The following CACNA1S variants were observed in gnomAD, a reference collection of about 807,000 sequenced individuals.
CACNA1S encodes the protein voltage-dependent L-type calcium channel subunit alpha-1S.
CACNA1S carries 126 observed loss-of-function variants against 207.4 expected under a neutral mutation model. That is an observed-to-expected ratio of 0.61 (90% CI 0.53 to 0.70). The LOEUF is 0.70. CACNA1S is among the 30% of genes least tolerant of loss of function. The pLI is 0.00. For missense variants in CACNA1S, 2,349 were observed against 2,422.8 expected (o/e 0.97, Z 0.64); for synonymous variants, 960 against 932.7 (o/e 1.03, Z -0.53).
At chr1:201,065,742 G>T (rs1661212690) in intron 22 of CACNA1S, 96 bp downstream of exon 22, 1 of 807,106 alleles carries the variant, frequency 1.2e-6, no homozygotes, top group Middle Eastern at 2.8e-4. Flanking sequence ...TGCATTCGAA[G>T]ACATCTGTTT....
chr1:201,054,052 A>G (rs1660747047), intron 29 of CACNA1S, among the ~76,000 whole-genome samples: 1 of 152,094 alleles, frequency 6.6e-6, no homozygotes, highest in South Asian at 2.1e-4. Context: ...GCTACTCCCC[A>G]TCACTCCCAC....
chr1:201,089,772 C>T (rs538424459), intron 5 of CACNA1S, among the ~76,000 whole-genome samples: 1 of 152,294 alleles, frequency 6.6e-6, no homozygotes, highest in Admixed American at 6.5e-5. Context: ...TCATTTGTCC[C>T]CACAGAACTT....
chr1:201,083,251 TAGA>T lies in CACNA1S; in HGVS notation c.1301_1303del (p.Phe434del), dbSNP rs1360854690. 1 of 1,614,034 alleles carries T rather than the reference TAGA, an allele frequency of 6.2e-7. No homozygotes were observed. The highest frequency in any genetic ancestry group is 8.5e-7 in the Non-Finnish European group (1 of 1,180,026). ...GGCAACGATGAGAATCACCAGCCAATAGAAGACCTTGGACTTCACGATGTCATG... is the reference window on the plus strand; with the variant it reads ...GGCAACGATGAGAATCACCAGCCAATAGACCTTGGACTTCACGATGTCATG... On this transcript the variant is annotated inframe_deletion, in exon 10 of 44. Transcript: ENST00000362061.
Position 201,078,845 on chromosome 1 carries a change from G to A in CACNA1S, c.1394-741C>T, listed in dbSNP as rs140848965. Among the ~76,000 whole-genome samples, 623 of 152,120 alleles carry A rather than the reference G, an allele frequency of 4.1e-3. 2 individuals carry two copies. Among genetic ancestry groups the A allele is most frequent in the African/African-American group, 0.014 (601 of 41,496 alleles). On this transcript the variant is annotated intron_variant, in intron 10 of 43. Transcript: ENST00000362061. ...CATTCTTAAAGCCAAAGTCTAGGCCGAGCGCAGTGACTCACACCTGTAATC... is the reference window on the plus strand; with the variant it reads ...CATTCTTAAAGCCAAAGTCTAGGCCAAGCGCAGTGACTCACACCTGTAATC...
chr1:201,084,386 G>A (rs1382930086), intron 9 of CACNA1S, among the ~76,000 whole-genome samples: 1 of 152,110 alleles, frequency 6.6e-6, no homozygotes, highest in African/African-American at 2.4e-5. Context: ...CTCTTTGAAG[G>A]GCACTGGAGA....
chr1:201,063,738 C>T (rs890710149), intron 22 of CACNA1S, among the ~76,000 whole-genome samples: 1 of 152,208 alleles, frequency 6.6e-6, no homozygotes. Flanking sequence ...GCTGCCCCTG[C>T]CACACAGATC....
Position 201,061,447 on chromosome 1 carries a change from G to A in CACNA1S, c.3075C>T (p.Asp1025=). The change falls in exon 25 of 44, where the codon GAC becomes GAT. Residue 1025 remains aspartate (D), a synonymous_variant. Transcript: ENST00000362061. ...GWPQLLYKAI[D]SNAEDVGPIY... is the part of the protein sequence containing the mutation. ...TGGGACCCACGTCCTCCGCATTGGAGTCTATGGCCTTGTACAGCAGCCTGG... is the reference window on the plus strand; with the variant it reads ...TGGGACCCACGTCCTCCGCATTGGAATCTATGGCCTTGTACAGCAGCCTGG... The A allele has an allele frequency of 6.2e-7, 1 of 1,614,218 alleles. No homozygotes were observed. The highest frequency in any genetic ancestry group is 8.5e-7 in the Non-Finnish European group (1 of 1,180,034).
intron 32 of CACNA1S, among the ~76,000 whole-genome samples, chr1:201,051,897 G>C (rs1036684691): frequency 1.3e-5 from 2 of 152,134 alleles, no homozygotes; most frequent in African/African-American, 4.8e-5. Context: ...GTGAGGTGCC[G>C]GTCTCCTTTT....
At chr1:201,111,170 T>C (rs4498834) in intron 1 of CACNA1S, among the ~76,000 whole-genome samples, 85,422 of 151,762 alleles carry the variant, frequency 0.56, 26,012 homozygotes, top group East Asian at 0.88. Flanking sequence ...GTGGGCGATA[T>C]ACCGCCTGGC....
rs374224995 is a variant in CACNA1S, at chr1:201,041,889, CT to C, written c.5049-301del. 2.3e-3 allele frequency: 1,073 copies of C among 463,020 alleles called. 12 individuals carry two copies. The highest frequency in any genetic ancestry group is 0.019 in the African/African-American group (980 of 50,648). 28.7% of individuals were successfully genotyped at this position (463,020 alleles called of 1,614,324 possible). A position where few individuals can be genotyped will look rare whatever the true frequency, so the allele number is the denominator to read the frequency against. ...CAGCCTCCCAGCCTTTGGAACCCTG[CT>C]TCTCCATCTTGGCCACACATAGGAT... On this transcript the variant is annotated intron_variant, in intron 40 of 43. Transcript: ENST00000362061.
intron 1 of CACNA1S, among the ~76,000 whole-genome samples, chr1:201,111,241 G>A (rs7516898): frequency 0.12 from 17,893 of 152,030 alleles, 1,093 homozygotes; most frequent in Middle Eastern, 0.15. Context: ...CTTGCCCCAC[G>A]TTTCTCTTGT....
At chr1:201,099,899 A>C (rs1662573923) in intron 2 of CACNA1S, among the ~76,000 whole-genome samples, 1 of 152,170 alleles carries the variant, frequency 6.6e-6, no homozygotes, top group African/African-American at 2.4e-5. Flanking sequence ...AGCTTTGGGA[A>C]GTCTCAGGGG....
rs1204964501 is a variant in CACNA1S, at chr1:201,059,297, G to A, written c.3417C>T (p.His1139=). The A allele has an allele frequency of 1.2e-6, 2 of 1,609,480 alleles. No homozygotes were observed. Among genetic ancestry groups the A allele is most frequent in the South Asian group, 1.1e-5 (1 of 90,954 alleles). ...MLNTICLGMQ[H]YNQSEQMNHI... ...GGTTCATCTGCTCCGACTGGTTGTAGTGCTGTGGAGGGGACACAGGAGCAG... is the reference window on the plus strand; with the variant it reads ...GGTTCATCTGCTCCGACTGGTTGTAATGCTGTGGAGGGGACACAGGAGCAG... Residue 1139 remains histidine (H), a splice_region_variant and synonymous_variant, in exon 27 of 44, where the codon CAC becomes CAT. Transcript: ENST00000362061.
At chr1:201,056,052 CAG>C (rs1176802680) in intron 28 of CACNA1S, among the ~76,000 whole-genome samples, 1 of 125,166 alleles carries the variant, frequency 8.0e-6, no homozygotes, top group Non-Finnish European at 1.6e-5. Context: ...CACACACACA[CAG>C]ACAGACAGAC....
chr1:201,042,910 GA>G, intron 40 of CACNA1S: 1 of 274,472 alleles, frequency 3.6e-6, no homozygotes, highest in Middle Eastern at 1.3e-3. Flanking sequence ...GATCTCCTTG[GA>G]ACCTAAATCC....
At chr1:201,043,978 G>C (rs1660386599) in intron 39 of CACNA1S, among the ~76,000 whole-genome samples, 1 of 152,164 alleles carries the variant, frequency 6.6e-6, no homozygotes, top group Admixed American at 6.5e-5. Flanking sequence ...TAAGAAACAT[G>C]AGACAGAGCT....
chr1:201,052,670 G>A (rs775394041), intron 31 of CACNA1S, 22 bp from the exon 32 acceptor site: 4 of 1,587,172 alleles, frequency 2.5e-6, no homozygotes, highest in Non-Finnish European at 3.5e-6. Context: ...AAAGGGCCCT[G>A]ACTGTGGAAC....
In CACNA1S at chr1:201,101,062, T is replaced by G. The variant is rs138511461; in HGVS notation, c.259-7041A>C. 2.6e-3 allele frequency among the ~76,000 whole-genome samples: 399 copies of G among 152,276 alleles called. 1 individual carries two copies. The highest frequency in any genetic ancestry group is 9.1e-3 in the African/African-American group (378 of 41,552). On this transcript the variant is annotated intron_variant, in intron 2 of 43. Transcript: ENST00000362061. The stretch of plus-strand genomic sequence containing the variant: ...TTTACATTTCTTTATTTTAATGTCC[T>G]TTTAAATGTGATGTCCTAGCATGTA...
chr1:201,089,450 C>T lies in CACNA1S; in HGVS notation c.708G>A (p.Thr236=), dbSNP rs754213830. 1.7e-5 allele frequency: 28 copies of T among 1,613,948 alleles called. No individual in the cohort carries two copies. The highest frequency in any genetic ancestry group is 2.0e-5 in the Non-Finnish European group (24 of 1,180,002). The change falls in exon 6 of 44, where the codon ACG becomes ACA. Residue 236 remains threonine, a synonymous_variant. Transcript: ENST00000362061. ...AGGGCGATGGCTCTTCATTCTCCAC[C>T]GTGGCCACGATATCTGGAGGCAGAA... ...CYFIGTDIVA[T]VENEEPSPCA...
Sources: allele counts gnomAD v4.1 joint callset (sites outside exome capture counted in the v4.1 genomes callset), GRCh38; gene constraint gnomAD v4.1.1; transcripts MANE v1.5; gene names NCBI Gene and HGNC (gene_info 2026-07-23, HGNC 2026-07-21).